Variants in HECW2 observed in about 807,000 individuals in gnomAD.
The protein encoded by HECW2 is E3 ubiquitin-protein ligase HECW2.
Under a neutral mutation model 175.2 loss-of-function variants are expected in HECW2, and 61 were observed. The observed-to-expected ratio is 0.35, with a 90% CI of 0.28 to 0.43. The LOEUF (loss-of-function observed/expected upper bound fraction) is 0.43. Among genes scored for constraint, HECW2 ranks in the 20% least tolerant of loss-of-function variants. The pLI is 1.00. For synonymous variants in HECW2, 671 were observed against 731.0 expected, an observed-to-expected ratio of 0.92 and a Z score of 1.32; for missense variants, 1,524 against 2,000.5, an observed-to-expected ratio of 0.76 and a Z score of 4.54.
Position 196,320,019 on chromosome 2 carries a change from T to C in HECW2, c.986-115A>G, listed in dbSNP as rs913050973. 15 of 1,060,380 alleles carry C rather than the reference T, an allele frequency of 1.4e-5. No individual in the cohort carries two copies. The African/African-American group carries it at 1.9e-4, about 14-fold the overall frequency. The allele number at this position is 1,060,380 out of a possible 1,614,324, so 65.7% of individuals were successfully genotyped here. On this transcript the variant is annotated intron_variant, in intron 8 of 28. Coordinates refer to ENST00000644978, the MANE Select transcript of HECW2 (RefSeq NM_001348768.2). ...AAGAAATCAGTCATTCTGAGGGCTT[T>C]CTACTGACTTGCTAAGATTCACCAC...
intron 5 of HECW2, among the ~76,000 whole-genome samples, chr2:196,326,911 A>C (rs1157692060): frequency 6.6e-6 from 1 of 152,204 alleles, no homozygotes; most frequent in East Asian, 1.9e-4. Context: ...TAAATGCAGA[A>C]TTTGCATCTT....
intron 1 of HECW2, among the ~76,000 whole-genome samples, chr2:196,495,224 C>G (rs1245485848): frequency 6.6e-6 from 1 of 152,072 alleles, no homozygotes; most frequent in Non-Finnish European, 1.5e-5. Flanking sequence ...TACGCCACCA[C>G]GCCCAGCTAA....
At chr2:196,504,188 C>A (rs193240501) in intron 1 of HECW2, among the ~76,000 whole-genome samples, 9 of 149,974 alleles carry the variant, frequency 6.0e-5, no homozygotes, top group Non-Finnish European at 1.0e-4. Flanking sequence ...CCCAGCTACT[C>A]GGGAGGCTGA....
chr2:196,475,612 A>G (rs558292857), intron 1 of HECW2, among the ~76,000 whole-genome samples: 45 of 152,346 alleles, frequency 3.0e-4, no homozygotes, highest in African/African-American at 1.1e-3. Context: ...CAGTGACAAG[A>G]TATCTGCCAG....
intron 1 of HECW2, among the ~76,000 whole-genome samples, chr2:196,462,879 G>C (rs886315557): frequency 2.6e-5 from 4 of 152,192 alleles, no homozygotes; most frequent in African/African-American, 9.7e-5. Context: ...ACAAATGCCT[G>C]ATGAAAGAAA....
chr2:196,383,198 G>A (rs575782918), intron 2 of HECW2, among the ~76,000 whole-genome samples: 3 of 152,316 alleles, frequency 2.0e-5, no homozygotes, highest in African/African-American at 4.8e-5. Context: ...TCTGATTTGC[G>A]TAACTGCTGC....
chr2:196,468,609 C>T (rs1454193526), intron 1 of HECW2, among the ~76,000 whole-genome samples: 1 of 152,176 alleles, frequency 6.6e-6, no homozygotes, highest in Non-Finnish European at 1.5e-5. Flanking sequence ...GACACTGCCA[C>T]CTGCAGACCA....
intron 1 of HECW2, among the ~76,000 whole-genome samples, chr2:196,451,770 A>G (rs1030829225): frequency 1.3e-5 from 2 of 152,130 alleles, no homozygotes; most frequent in Non-Finnish European, 2.9e-5. Flanking sequence ...GTGGTGGCAC[A>G]TACTTCTAAT....
chr2:196,214,380 G>A (rs761438173), intron 28 of HECW2, among the ~76,000 whole-genome samples: 6 of 152,192 alleles, frequency 3.9e-5, no homozygotes, highest in Admixed American at 6.5e-5. Flanking sequence ...ATATACTTTA[G>A]TGGCTTTACA....
At chr2:196,230,153 C>T (rs1479380491) in intron 21 of HECW2, among the ~76,000 whole-genome samples, 4 of 152,178 alleles carry the variant, frequency 2.6e-5, no homozygotes, top group Non-Finnish European at 5.9e-5. Flanking sequence ...GGTGGGACTA[C>T]CCTCAGGTTA....
At chr2:196,323,908 GTTTTTTGTTTGTTTTT>G (rs1377443066) in intron 6 of HECW2, among the ~76,000 whole-genome samples, 7 of 63,218 alleles carry the variant, frequency 1.1e-4, no homozygotes, top group Non-Finnish European at 1.9e-4. Flanking sequence ...AGTTTTTTTT[GTTTTTTGTTTGTTTTT>G]TTTTTTTTTT....
chr2:196,239,971 C>G (rs1042346605), intron 21 of HECW2: 2 of 152,236 alleles, frequency 1.3e-5, no homozygotes, highest in Admixed American at 6.5e-5. Context: ...AAATAAGAGC[C>G]AAGGCCCAAG....
chr2:196,504,087 G>A (rs1687666535), intron 1 of HECW2, among the ~76,000 whole-genome samples: 1 of 152,132 alleles, frequency 6.6e-6, no homozygotes, highest in Non-Finnish European at 1.5e-5. Flanking sequence ...TCTGAGGTCA[G>A]GAGTTTGAGA....
intron 5 of HECW2, among the ~76,000 whole-genome samples, chr2:196,327,403 C>A (rs1026557376): frequency 1.3e-5 from 2 of 152,156 alleles, no homozygotes; most frequent in Admixed American, 6.5e-5. Flanking sequence ...CTATTGCTCA[C>A]AAATATCCAC....
At chr2:196,323,413 G>C (rs753187906) in intron 6 of HECW2, among the ~76,000 whole-genome samples, 16 of 152,136 alleles carry the variant, frequency 1.1e-4, no homozygotes, top group Non-Finnish European at 2.2e-4. Context: ...GTAAATGATG[G>C]TGCCAGGAAT....
chr2:196,323,948 G>T (rs1692055173), intron 6 of HECW2, among the ~76,000 whole-genome samples: 1 of 115,482 alleles, frequency 8.7e-6, no homozygotes, highest in Non-Finnish European at 1.7e-5. Context: ...ACCATGATGA[G>T]ATCATTAGTA....
rs972198553 is a variant in HECW2 at position 196,199,894 on chromosome 2, G to C, written c.*1383C>G. On this transcript the variant is annotated 3_prime_UTR_variant, in exon 29 of 29. Transcript: ENST00000644978. The stretch of plus-strand genomic sequence containing the variant: ...AAATTATGCATCAGTGAAAATGCAG[G>C]CTTAGAAATATAGTTCTGAGTTTCA... 6 of 152,468 alleles carry C rather than the reference G, an allele frequency of 3.9e-5. No homozygotes were observed. The highest frequency in any genetic ancestry group is 1.4e-4 in the African/African-American group (6 of 41,434). The allele number at this position is 152,468 out of a possible 1,614,324, so 9.4% of individuals were successfully genotyped here. A position where few individuals can be genotyped will look rare whatever the true frequency, so the allele number is the denominator to read the frequency against.
chr2:196,468,553 G>A (rs1316702028), intron 1 of HECW2, among the ~76,000 whole-genome samples: 1 of 152,234 alleles, frequency 6.6e-6, no homozygotes, highest in Non-Finnish European at 1.5e-5. Flanking sequence ...TAGGATTGGA[G>A]TGGAGCCTGA....
Position 196,319,121 on chromosome 2 carries a change from C to T in HECW2, c.1769G>A (p.Gly590Glu). 1 of 1,592,280 alleles carries T rather than the reference C, an allele frequency of 6.3e-7. No homozygotes were observed. The highest frequency in any genetic ancestry group is 1.3e-5 in the African/African-American group (1 of 74,486). Residue 590 changes from glycine (G) to glutamate (E), a missense_variant, in exon 9 of 29, where the codon GGA becomes GAA. By Grantham distance (98) the Gly-to-Glu change is moderately conservative. Around this residue, in one of 11 missense-constraint regions of HECW2, gnomAD observed 604 missense variants for 588.3 expected, o/e 1.03. Transcript: ENST00000644978. The part of the protein sequence containing the change: ...ADTGTSDASG[G>E]SRRAVSETES... ...GGTCTCACTGACGGCTCTTCGGCTT[C>T]CTCCTGATGCATCGGAAGTCCCTGT...
Sources: gnomAD v4.1 joint callset for allele counts (sites outside exome capture counted in the v4.1 genomes callset) on GRCh38, gnomAD v4.1.1 for gene constraint, gnomAD v4.1.1 regional missense constraint, MANE v1.5 for transcripts, NCBI Gene and HGNC (gene_info 2026-07-23, HGNC 2026-07-21) for gene names.